Variants in FRMD4A observed in about 807,000 individuals in gnomAD.
The protein encoded by FRMD4A is FERM domain-containing protein 4A.
Under a neutral mutation model 129.1 loss-of-function variants are expected in FRMD4A, and 29 were observed. The observed-to-expected ratio is 0.22, with a 90% CI of 0.17 to 0.31. The LOEUF (loss-of-function observed/expected upper bound fraction) is 0.31, where lower values mean the gene tolerates loss of function less well. FRMD4A is among the 10% of genes least tolerant of loss of function. The probability of loss-of-function intolerance (pLI) is 1.00; values close to 1 mark genes in which losing one functional copy is unlikely to be tolerated. For synonymous variants in FRMD4A, 634 were observed against 571.6 expected, an observed-to-expected ratio of 1.11 and a Z score of -1.56; for missense variants, 1,272 against 1,375.8, an observed-to-expected ratio of 0.92 and a Z score of 1.19.
chr10:13,887,960 C>T (rs2094644670), intron 2 of FRMD4A, among the ~76,000 whole-genome samples: 1 of 152,274 alleles, frequency 6.6e-6, no homozygotes, highest in Admixed American at 6.5e-5. Context: ...AATGAAACTG[C>T]TGTGAAGAGA....
chr10:13,707,625 C>T (rs183244645), intron 12 of FRMD4A: 984 of 988,556 alleles, frequency 1.0e-3, no homozygotes, highest in Middle Eastern at 2.1e-3. Flanking sequence ...AGCCTCCCAT[C>T]GGGACTCCAC....
chr10:14,241,002 A>AC (rs1844022628), intron 2 of FRMD4A, among the ~76,000 whole-genome samples: 1 of 151,934 alleles, frequency 6.6e-6, no homozygotes, highest in Admixed American at 6.6e-5. Context: ...GGATTACATC[A>AC]CCCCCTACTG....
intron 2 of FRMD4A, among the ~76,000 whole-genome samples, chr10:14,116,917 T>A (rs781210131): frequency 1.3e-5 from 2 of 152,088 alleles, no homozygotes; most frequent in Non-Finnish European, 2.9e-5. Context: ...TTTCTTGGTT[T>A]GTTTTTGGTT....
chr10:14,127,988 CTCTCTCTCTCT>C (rs1564319514), intron 2 of FRMD4A, among the ~76,000 whole-genome samples: 6 of 119,472 alleles, frequency 5.0e-5, no homozygotes, highest in African/African-American at 2.4e-4. Context: ...CCTTCTCTCT[CTCTCTCTCTCT>C]CTTTCTTTCT....
intron 2 of FRMD4A, among the ~76,000 whole-genome samples, chr10:14,211,945 C>T (rs1842943876): frequency 6.6e-6 from 1 of 152,174 alleles, no homozygotes; most frequent in Non-Finnish European, 1.5e-5. Context: ...AAGTGGCTGC[C>T]TGGTGTTTCT....
chr10:14,012,975 C>T (rs769080011), intron 2 of FRMD4A, among the ~76,000 whole-genome samples: 4 of 152,192 alleles, frequency 2.6e-5, no homozygotes, highest in African/African-American at 4.8e-5. Context: ...CAGCTGGGGA[C>T]GTGACTGAGG....
At chr10:14,209,888 A>C (rs1842889695) in intron 2 of FRMD4A, among the ~76,000 whole-genome samples, 1 of 152,036 alleles carries the variant, frequency 6.6e-6, no homozygotes, top group South Asian at 2.1e-4. Context: ...ACCCTGTCCC[A>C]AAAGAAAAGG....
intron 2 of FRMD4A, among the ~76,000 whole-genome samples, chr10:14,222,751 G>A (rs1199205289): frequency 6.6e-6 from 1 of 152,104 alleles, no homozygotes; most frequent in Admixed American, 6.6e-5. Flanking sequence ...ATTGTTTATT[G>A]TTGATTTCAA....
intron 2 of FRMD4A, among the ~76,000 whole-genome samples, chr10:14,219,168 T>C (rs1372831813): frequency 6.6e-6 from 1 of 151,942 alleles, no homozygotes; most frequent in Non-Finnish European, 1.5e-5. Context: ...CAAAGACATC[T>C]CAAAAGCCAG....
At chr10:14,197,596 A>G (rs1842509164) in intron 2 of FRMD4A, among the ~76,000 whole-genome samples, 2 of 152,158 alleles carry the variant, frequency 1.3e-5, no homozygotes, top group Admixed American at 1.3e-4. Flanking sequence ...CCTGACTCCA[A>G]GTGATCCGCC....
intron 2 of FRMD4A, among the ~76,000 whole-genome samples, chr10:14,260,137 A>C (rs1844750463): frequency 6.6e-6 from 1 of 152,170 alleles, no homozygotes; most frequent in Non-Finnish European, 1.5e-5. Flanking sequence ...TGGAAAGAAG[A>C]AGACATGATG....
intron 2 of FRMD4A, among the ~76,000 whole-genome samples, chr10:14,157,166 A>G (rs888299462): frequency 1.9e-4 from 29 of 152,204 alleles, no homozygotes; most frequent in African/African-American, 5.3e-4. Flanking sequence ...AATAGCCCAT[A>G]CATCAGACCA....
intron 3 of FRMD4A, among the ~76,000 whole-genome samples, chr10:13,813,974 T>C (rs1041765737): frequency 6.6e-6 from 1 of 152,244 alleles, no homozygotes; most frequent in Non-Finnish European, 1.5e-5. Flanking sequence ...CTCTGATGCT[T>C]GCTATTTCTT....
chr10:13,811,571 C>CAAAA (rs11361577), intron 3 of FRMD4A, among the ~76,000 whole-genome samples: 1,684 of 136,276 alleles, frequency 0.012, 80 homozygotes, highest in East Asian at 0.12. Context: ...GACTCTGCCT[C>CAAAA]AAAAAAAAAA....
chr10:14,304,439 G>A (rs1467109276), intron 2 of FRMD4A, among the ~76,000 whole-genome samples: 1 of 152,150 alleles, frequency 6.6e-6, no homozygotes, highest in Non-Finnish European at 1.5e-5. Flanking sequence ...TCTCACTCTT[G>A]GCTTTATAGG....
intron 8 of FRMD4A, among the ~76,000 whole-genome samples, chr10:13,750,351 A>G (rs1308098927): frequency 6.6e-6 from 1 of 152,216 alleles, no homozygotes; most frequent in Non-Finnish European, 1.5e-5. Flanking sequence ...CTGCCATTAC[A>G]TGGAAAGAAT....
chr10:14,085,126 T>C (rs1414501807), intron 2 of FRMD4A, among the ~76,000 whole-genome samples: 1 of 145,860 alleles, frequency 6.9e-6, no homozygotes, highest in Admixed American at 7.1e-5. Context: ...TGTTTATAAA[T>C]CAAGAAGTGT....
chr10:13,689,915 T>A (rs1470301997), intron 15 of FRMD4A, among the ~76,000 whole-genome samples: 1,784 of 151,946 alleles, frequency 0.012, 28 homozygotes, highest in African/African-American at 0.041. Flanking sequence ...TCCTTCACAA[T>A]TTAATTCAAT....
At chr10:13,779,555 C>T (rs2092685523) in intron 6 of FRMD4A, among the ~76,000 whole-genome samples, 1 of 152,050 alleles carries the variant, frequency 6.6e-6, no homozygotes, top group Non-Finnish European at 1.5e-5. Flanking sequence ...GACATTTTAC[C>T]CAGGTAAGAG....
Sources: gnomAD v4.1 joint callset for allele counts (sites outside exome capture counted in the v4.1 genomes callset) on GRCh38, gnomAD v4.1.1 for gene constraint, MANE v1.5 for transcripts, NCBI Gene and HGNC (gene_info 2026-07-23, HGNC 2026-07-21) for gene names.